FAM20A: variants seen among roughly 807,000 people sequenced by gnomAD.
The protein encoded by FAM20A is FAM20A golgi associated secretory pathway pseudokinase.
In FAM20A, 42 loss-of-function variants were observed where a neutral mutation model predicts 52.0. The ratio of observed to expected loss-of-function variants is 0.81; its 90% CI spans 0.63 to 1.04. The LOEUF (loss-of-function observed/expected upper bound fraction) is 1.04, where lower values mean the gene tolerates loss of function less well. Ranked by LOEUF, FAM20A falls within the 50% of genes least tolerant of loss-of-function variation. The pLI is 0.00. For synonymous variants in FAM20A, 304 were observed against 298.9 expected, an observed-to-expected ratio of 1.02 and a Z score of -0.18; for missense variants, 742 against 712.7, an observed-to-expected ratio of 1.04 and a Z score of -0.47.
At chr17:68,576,131 C>A (rs1361837763) in intron 1 of FAM20A, among the ~76,000 whole-genome samples, 3 of 152,150 alleles carry the variant, frequency 2.0e-5, no homozygotes, top group African/African-American at 7.2e-5. Context: ...TTCGTAGTGC[C>A]ATGGTCCTCT....
chr17:68,552,665 C>CTTTTTTTTTTTTTTTTTTTT (rs1568739140), intron 3 of FAM20A, among the ~76,000 whole-genome samples: 2 of 109,970 alleles, frequency 1.8e-5, no homozygotes, highest in African/African-American at 6.5e-5. Context: ...CCTTTATTTT[C>CTTTTTTTTTTTTTTTTTTTT]CTTTTTTTTT....
At chr17:68,539,230 T>TA in intron 10 of FAM20A, 107 bp downstream of exon 10, 1 of 1,039,856 alleles carries the variant, frequency 9.6e-7, no homozygotes, top group Non-Finnish European at 1.5e-6. Flanking sequence ...TCTACCCACT[T>TA]ACGTCCTGGA....
intron 1 of FAM20A, chr17:68,574,937 A>G (rs891626997): frequency 5.3e-5 from 8 of 151,886 alleles, no homozygotes; most frequent in African/African-American, 1.9e-4. Flanking sequence ...AAGAACCCTT[A>G]TAAAACAGAC....
In FAM20A at chr17:68,537,715, A is replaced by G. The variant is rs1361042027; in HGVS notation, c.1388T>C (p.Leu463Pro). 1 of 1,612,938 alleles carries G rather than the reference A, an allele frequency of 6.2e-7. No individual in the cohort carries two copies. Residue 463 changes from leucine to proline, a missense_variant, in exon 11 of 11, where the codon CTG (leucine) becomes CCG (proline). Leu to Pro is a moderately conservative substitution (Grantham distance 98). Transcript: ENST00000592554. The surrounding 1 kb of genome is among the most constrained non-coding windows in gnomAD (Gnocchi z 4.2). ...GTAGTCAGCTTGGGCCAGCAGCTGC[A>G]GGTGCAAAAGTGTTTTCTTTTTTAT... ...CMIKKKTLLH[L>P]QLLAQADYRL... is the part of the protein sequence containing the mutation.
chr17:68,581,754 T>C (rs1256108037), intron 1 of FAM20A, among the ~76,000 whole-genome samples: 5 of 151,918 alleles, frequency 3.3e-5, no homozygotes, highest in Non-Finnish European at 7.4e-5. Flanking sequence ...TTTTGTATTT[T>C]TAGTAGAGAC....
At chr17:68,577,701 G>C (rs933630019) in intron 1 of FAM20A, among the ~76,000 whole-genome samples, 3 of 152,158 alleles carry the variant, frequency 2.0e-5, no homozygotes, top group African/African-American at 7.2e-5. Context: ...TTTGCACTCG[G>C]TGTAATTTAA....
At chr17:68,539,815 C>A in intron 9 of FAM20A, 70 bp downstream of exon 9, 1 of 1,497,602 alleles carries the variant, frequency 6.7e-7, no homozygotes, top group South Asian at 1.2e-5. Context: ...TCTGTTTCCC[C>A]CGAGCAGCTG....
chr17:68,545,749 C>T (rs1163414188), intron 4 of FAM20A, among the ~76,000 whole-genome samples: 1 of 152,232 alleles, frequency 6.6e-6, no homozygotes, highest in Non-Finnish European at 1.5e-5. Flanking sequence ...AACCCTGCTG[C>T]TGCTTTATCA....
chr17:68,554,207 T>C (rs1568742375), intron 3 of FAM20A, among the ~76,000 whole-genome samples: 1 of 152,062 alleles, frequency 6.6e-6, no homozygotes, highest in East Asian at 1.9e-4. Flanking sequence ...CTCAGTTCAC[T>C]GCAAACTCCA....
chr17:68,588,960 G>C (rs949425449), intron 1 of FAM20A, among the ~76,000 whole-genome samples: 2 of 152,222 alleles, frequency 1.3e-5, no homozygotes, highest in Non-Finnish European at 2.9e-5. Context: ...TTTCCCTTGA[G>C]CTTTTGCTCA....
chr17:68,537,402 G>GAGGA lies in FAM20A; in HGVS notation c.*71_*74dup, dbSNP rs1382442833. Reference sequence around the variant, plus strand: ...ACTCCCAGCAGTAACAGGTGGGAGTGAGGACGCAGGGTCGGCACTCGAGTC... The same window carrying GAGGA: ...ACTCCCAGCAGTAACAGGTGGGAGTGAGGAAGGACGCAGGGTCGGCACTCGAGTC... On this transcript the variant is annotated 3_prime_UTR_variant, in exon 11 of 11. Transcript: ENST00000592554. This position sits in a 1 kb window ranked among gnomAD's most constrained non-coding sequence, Gnocchi z 4.2. 2 of 1,591,336 alleles carry GAGGA rather than the reference G, an allele frequency of 1.3e-6. No homozygotes were observed. The highest frequency in any genetic ancestry group is 3.3e-5 in the Admixed American group (2 of 59,930).
chr17:68,585,653 G>A (rs2088145722), intron 1 of FAM20A, among the ~76,000 whole-genome samples: 1 of 152,166 alleles, frequency 6.6e-6, no homozygotes, highest in Non-Finnish European at 1.5e-5. Context: ...CAGGTTCATG[G>A]AGGGCTGCCC....
At position 68,555,721 on chromosome 17, in the gene FAM20A, G is replaced by T. The variant is rs1224202836; in HGVS notation, c.427C>A (p.Gln143Lys). 3 of 1,614,022 alleles carry T rather than the reference G, an allele frequency of 1.9e-6. No individual in the cohort carries two copies. The highest frequency in any genetic ancestry group is 2.5e-6 in the Non-Finnish European group (3 of 1,180,022). ...GGGTCCAGGGAGGTAAGGTTCATCT[G>T]CTCTCTGTACATCTTGTGTCGCCTG... ...WNRRHKMYRE[Q>K]MNLTSLDPPL... The change falls in exon 2 of 11, where the codon CAG (glutamine) becomes AAG (lysine). Residue 143 changes from glutamine (Q) to lysine (K), a missense_variant. Coordinates refer to ENST00000592554, the MANE Select transcript of FAM20A (RefSeq NM_017565.4).
rs761018389 is a variant in FAM20A at position 68,600,440 on chromosome 17, G to C, written c.227C>G (p.Pro76Arg). ...GCTGCCGCCAGCCGGTTCAGTCCGG[G>C]GCTCGGTTCGGGAAAAGTTGTGCAC... ...TIVHNFSRTEPRTEPAGGSHS... is the reference protein window; with the variant it reads ...TIVHNFSRTERRTEPAGGSHS... Residue 76 changes from proline to arginine, a missense_variant, in exon 1 of 11, where the codon CCC becomes CGC. Pro to Arg is a moderately radical substitution (Grantham distance 103). Transcript: ENST00000592554. This position sits in a 1 kb window ranked among gnomAD's most constrained non-coding sequence, Gnocchi z 6.2. The C allele has an allele frequency of 6.2e-7, 1 of 1,611,244 alleles. No homozygotes were observed. The highest frequency in any genetic ancestry group is 2.2e-5 in the East Asian group (1 of 44,766).
At chr17:68,593,495 T>G (rs1159457348) in intron 1 of FAM20A, among the ~76,000 whole-genome samples, 1 of 152,246 alleles carries the variant, frequency 6.6e-6, no homozygotes, top group Non-Finnish European at 1.5e-5. Context: ...TTATTTAGGC[T>G]ACTGCAATAA....
Position 68,552,666 on chromosome 17 carries a change from CTTTTTTTT to C in FAM20A, c.641-723_641-716del, listed in dbSNP as rs576230517. ...TGGAGCCCTGTAAACCTTTATTTTC[CTTTTTTTT>C]TTTTTTTTTTTTTTTTTTGAGACGG... is the stretch of plus-strand genomic sequence containing the variant. On this transcript the variant is annotated intron_variant, in intron 3 of 10. Coordinates refer to ENST00000592554, the MANE Select transcript of FAM20A (RefSeq NM_017565.4). Among the ~76,000 whole-genome samples, 23 of 66,848 alleles carry C rather than the reference CTTTTTTTT, an allele frequency of 3.4e-4. 1 individual carries two copies. Among genetic ancestry groups the C allele is most frequent in the East Asian group, 9.6e-4 (2 of 2,074 alleles). 43.9% of individuals were successfully genotyped at this position (66,848 alleles called of 152,430 possible). A position where few individuals can be genotyped will look rare whatever the true frequency, so the allele number is the denominator to read the frequency against.
intron 1 of FAM20A, among the ~76,000 whole-genome samples, chr17:68,581,470 CT>C (rs2087989960): frequency 6.4e-5 from 1 of 15,548 alleles, no homozygotes; most frequent in Non-Finnish European, 1.6e-4. Flanking sequence ...TCCTTTCTTT[CT>C]TTCTTTCTTT....
In FAM20A at chr17:68,600,845, G is replaced by C. The variant is rs978312645; in HGVS notation, c.-179C>G. ...TGGAGGGGTGTCGCTCCTCAACTTG[G>C]GGACCAGGTGCACGGAGCACCGGGG... On this transcript the variant is annotated 5_prime_UTR_variant, in exon 1 of 11. Coordinates refer to ENST00000592554, the MANE Select transcript of FAM20A (RefSeq NM_017565.4). The surrounding 1 kb of genome is among the most constrained non-coding windows in gnomAD (Gnocchi z 6.2). 2.4e-5 allele frequency: 15 copies of C among 612,480 alleles called. No homozygotes were observed. Among genetic ancestry groups the C allele is most frequent in the Non-Finnish European group, 3.5e-5 (13 of 369,314 alleles). The allele number at this position is 612,480 out of a possible 1,614,324, so 37.9% of individuals were successfully genotyped here. A position where few individuals can be genotyped will look rare whatever the true frequency, so the allele number is the denominator to read the frequency against.
chr17:68,544,579 TATAA>T (rs2086461682), intron 4 of FAM20A, among the ~76,000 whole-genome samples: 1 of 152,226 alleles, frequency 6.6e-6, no homozygotes, highest in Non-Finnish European at 1.5e-5. Context: ...TGCAGAAATC[TATAA>T]ATAAGAAGCA....
Sources: allele counts gnomAD v4.1 joint callset (sites outside exome capture counted in the v4.1 genomes callset), GRCh38; gene constraint gnomAD v4.1.1; non-coding constraint Gnocchi (gnomAD v3.1); transcripts MANE v1.5; gene names NCBI Gene and HGNC (gene_info 2026-07-23, HGNC 2026-07-21).